Variants in CECR2 observed in about 807,000 individuals in gnomAD.
CECR2 encodes chromatin remodeling regulator CECR2.
In CECR2, 30 loss-of-function variants were observed where a neutral mutation model predicts 154.5. The ratio of observed to expected loss-of-function variants is 0.19; its 90% CI spans 0.15 to 0.26. CECR2 has a LOEUF of 0.26. CECR2 is among the 10% of genes least tolerant of loss of function. The pLI, the probability that CECR2 is intolerant of heterozygous loss-of-function variation, is 1.00. For synonymous variants in CECR2, 725 were observed against 683.7 expected (o/e 1.06, Z -0.94); for missense variants, 1,743 against 1,829.3 (o/e 0.95, Z 0.86).
At chr22:17,370,120 C>G (rs2063037438) in intron 1 of CECR2, among the ~76,000 whole-genome samples, 1 of 150,756 alleles carries the variant, frequency 6.6e-6, no homozygotes, top group South Asian at 2.1e-4. Flanking sequence ...CCGGGGACGC[C>G]GGATCCTGGG....
intron 2 of CECR2, among the ~76,000 whole-genome samples, chr22:17,483,844 C>G (rs564224059): frequency 2.0e-5 from 3 of 152,224 alleles, no homozygotes; most frequent in African/African-American, 7.2e-5. Context: ...ACTGATTCAC[C>G]CAGAGCAACT....
chr22:17,410,454 G>GT (rs1340815645), intron 1 of CECR2, among the ~76,000 whole-genome samples: 3 of 151,062 alleles, frequency 2.0e-5, no homozygotes, highest in Non-Finnish European at 3.0e-5. Context: ...GTTTTGTTTT[G>GT]TTTTTTGTTT....
intron 7 of CECR2, among the ~76,000 whole-genome samples, chr22:17,509,441 T>TA (rs1555922246): frequency 6.6e-6 from 1 of 150,754 alleles, no homozygotes; most frequent in Non-Finnish European, 1.5e-5. Flanking sequence ...TTTTTTTTTT[T>TA]AAACAGAGAC....
chr22:17,493,615 T>G (rs750564670), intron 2 of CECR2, among the ~76,000 whole-genome samples: 3 of 152,156 alleles, frequency 2.0e-5, no homozygotes, highest in Non-Finnish European at 4.4e-5. Context: ...TAAGGTGGCA[T>G]GGAGATAGAT....
chr22:17,541,707 C>T (rs2056525025), intron 14 of CECR2, 132 bp from the exon 15 acceptor site: 1 of 1,108,150 alleles, frequency 9.0e-7, no homozygotes, highest in East Asian at 2.5e-5. Context: ...TTCACAGTCT[C>T]CCTGTCTCCA....
chr22:17,438,186 G>GC (rs914443670), intron 1 of CECR2, among the ~76,000 whole-genome samples: 2 of 152,180 alleles, frequency 1.3e-5, no homozygotes, highest in African/African-American at 4.8e-5. Context: ...CAACAAAAAT[G>GC]CCCCAGATGA....
At chr22:17,478,352 A>AT (rs56010603) in intron 2 of CECR2, among the ~76,000 whole-genome samples, 64,980 of 118,990 alleles carry the variant, frequency 0.55, 19,276 homozygotes, top group South Asian at 0.67. Flanking sequence ...ATGGTATCAA[A>AT]TTTTTTTTTT....
At chr22:17,414,804 G>A (rs926991011) in intron 1 of CECR2, among the ~76,000 whole-genome samples, 11 of 152,210 alleles carry the variant, frequency 7.2e-5, no homozygotes, top group South Asian at 6.2e-4. Flanking sequence ...GGGGTGAGGC[G>A]TTAGGGGCAG....
intron 1 of CECR2, among the ~76,000 whole-genome samples, chr22:17,363,349 G>A (rs147481421): frequency 6.6e-6 from 1 of 152,024 alleles, no homozygotes; most frequent in African/African-American, 2.4e-5. Flanking sequence ...AGGACTACAG[G>A]TGCCCACCAC....
At chr22:17,536,461 GA>G in intron 9 of CECR2, among the ~76,000 whole-genome samples, 1 of 152,312 alleles carries the variant, frequency 6.6e-6, no homozygotes, top group Middle Eastern at 3.4e-3. Context: ...GAGCCAGGAA[GA>G]AAATCATCAT....
chr22:17,518,399 G>A (rs958122159), intron 8 of CECR2, among the ~76,000 whole-genome samples: 1 of 152,142 alleles, frequency 6.6e-6, no homozygotes, highest in Non-Finnish European at 1.5e-5. Context: ...ACAGGAAAAG[G>A]TCTTCTCCCT....
intron 9 of CECR2, among the ~76,000 whole-genome samples, chr22:17,536,392 T>C (rs2056437878): frequency 6.6e-6 from 1 of 152,178 alleles, no homozygotes; most frequent in African/African-American, 2.4e-5. Flanking sequence ...CTGCAAGTGG[T>C]AAGTGCCCCA....
At chr22:17,391,434 C>G (rs2063324785) in intron 1 of CECR2, among the ~76,000 whole-genome samples, 1 of 152,210 alleles carries the variant, frequency 6.6e-6, no homozygotes, top group South Asian at 2.1e-4. Flanking sequence ...TGATTGGAAT[C>G]ACTCTGGCTC....
chr22:17,368,397 G>A (rs958187504), upstream of CECR2, among the ~76,000 whole-genome samples: 6 of 152,178 alleles, frequency 3.9e-5, no homozygotes, highest in Non-Finnish European at 7.3e-5. Context: ...CGAACTCAGA[G>A]GCGGCCCTCT....
chr22:17,488,105 C>T (rs2146835972), intron 2 of CECR2, among the ~76,000 whole-genome samples: 1 of 152,316 alleles, frequency 6.6e-6, no homozygotes, highest in East Asian at 1.9e-4. Context: ...TGGTCTCAAA[C>T]TCCTGACCTC....
At chr22:17,547,552 C>T (rs1296124378) in intron 16 of CECR2, among the ~76,000 whole-genome samples, 2 of 152,166 alleles carry the variant, frequency 1.3e-5, no homozygotes, top group African/African-American at 4.8e-5. Flanking sequence ...TTTTGAGTTT[C>T]ATGTTGTAGG....
intron 1 of CECR2, among the ~76,000 whole-genome samples, chr22:17,445,543 TTTATTATTATTATTA>T (rs3994823): frequency 1.5e-3 from 217 of 141,462 alleles, no homozygotes; most frequent in Non-Finnish European, 2.3e-3. Context: ...TGCTCTATAC[TTTATTATTATTATTA>T]TTATTATTAT....
intron 1 of CECR2, among the ~76,000 whole-genome samples, chr22:17,462,370 T>TA (rs367684753): frequency 4.5e-4 from 65 of 145,766 alleles, no homozygotes; most frequent in African/African-American, 1.2e-3. Flanking sequence ...GAAATAATAA[T>TA]AAAAAAAAAA....
intron 1 of CECR2, among the ~76,000 whole-genome samples, chr22:17,384,149 C>G (rs2063233276): frequency 1.3e-5 from 2 of 152,200 alleles, no homozygotes; most frequent in Non-Finnish European, 2.9e-5. Flanking sequence ...TTCTTAATGG[C>G]ATCTAGAATC....
Sources: allele counts gnomAD v4.1 joint callset (sites outside exome capture counted in the v4.1 genomes callset), GRCh38; gene constraint gnomAD v4.1.1; transcripts MANE v1.5; gene names NCBI Gene and HGNC (gene_info 2026-07-23, HGNC 2026-07-21).